The following ZNF420 variants were observed in gnomAD, a reference collection of about 807,000 sequenced individuals.
The protein encoded by ZNF420 is ATM and p53-associated KZNF protein.
ZNF420 carries 31 observed loss-of-function variants against 44.7 expected under a neutral mutation model. That is an observed-to-expected ratio of 0.69 (90% CI 0.52 to 0.94). The LOEUF is 0.94. Among genes scored for constraint, ZNF420 ranks in the 40% least tolerant of loss-of-function variants. The pLI, the probability that ZNF420 is intolerant of heterozygous loss-of-function variation, is 0.00. For missense variants in ZNF420, 681 were observed against 827.9 expected (o/e 0.82, Z 2.18); for synonymous variants, 245 against 267.4 (o/e 0.92, Z 0.82).
At chr19:37,031,921 C>T (rs1967265549) in intron 1 of ZNF420, among the ~76,000 whole-genome samples, 1 of 152,170 alleles carries the variant, frequency 6.6e-6, no homozygotes, top group Admixed American at 6.5e-5. Flanking sequence ...AAACGGTACA[C>T]CAGCCAGGCG....
chr19:37,012,233 T>C (rs2074574858), intron 1 of ZNF420, among the ~76,000 whole-genome samples: 1 of 152,162 alleles, frequency 6.6e-6, no homozygotes, highest in African/African-American at 2.4e-5. Context: ...TCCTCGACCT[T>C]GGATCCAGGT....
intron 4 of ZNF420, among the ~76,000 whole-genome samples, chr19:37,105,438 C>T (rs1174977394): frequency 2.0e-5 from 3 of 152,140 alleles, no homozygotes; most frequent in Non-Finnish European, 4.4e-5. Flanking sequence ...AGCATGATGC[C>T]TCCAGCTTTG....
chr19:37,068,920 G>T (rs1157103870), intron 1 of ZNF420, among the ~76,000 whole-genome samples: 1 of 151,968 alleles, frequency 6.6e-6, no homozygotes, highest in African/African-American at 2.4e-5. Flanking sequence ...TATAAAAATT[G>T]CAAGCTTAAG....
intron 1 of ZNF420, among the ~76,000 whole-genome samples, chr19:37,019,769 C>CA (rs55854312): frequency 0.49 from 69,860 of 141,426 alleles, 16,793 homozygotes; most frequent in Middle Eastern, 0.57. Context: ...TCATCTGTCA[C>CA]AAAAAAAAAA....
intron 1 of ZNF420, among the ~76,000 whole-genome samples, chr19:37,054,012 T>G (rs1162174166): frequency 6.6e-6 from 1 of 152,216 alleles, no homozygotes; most frequent in Non-Finnish European, 1.5e-5. Context: ...TCCACCCAGT[T>G]GGAGCTTCCC....
chr19:37,049,884 ATTT>A (rs1967608198), intron 1 of ZNF420, among the ~76,000 whole-genome samples: 1 of 152,166 alleles, frequency 6.6e-6, no homozygotes, highest in South Asian at 2.1e-4. Context: ...TCTTGAATTA[ATTT>A]TTGTATAAGG....
chr19:37,032,011 G>C (rs1013081288), intron 1 of ZNF420, among the ~76,000 whole-genome samples: 1 of 151,820 alleles, frequency 6.6e-6, no homozygotes, highest in African/African-American at 2.4e-5. Flanking sequence ...AGGAGTTCCA[G>C]ACCAGCCGGG....
At chr19:37,053,765 C>A (rs1232293859) in intron 1 of ZNF420, among the ~76,000 whole-genome samples, 1 of 151,906 alleles carries the variant, frequency 6.6e-6, no homozygotes, top group East Asian at 2.0e-4. Context: ...TGTCAGTCTG[C>A]CCCTACTGGG....
chr19:37,056,757 C>G (rs10408199), intron 1 of ZNF420, among the ~76,000 whole-genome samples: 24,689 of 152,260 alleles, frequency 0.16, 2,140 homozygotes, highest in African/African-American at 0.23. Flanking sequence ...AAGACCCGAG[C>G]AGGCGCCCTG....
intron 1 of ZNF420, among the ~76,000 whole-genome samples, chr19:37,048,364 AAAGCTTCTCT>A (rs1402559973): frequency 2.6e-5 from 4 of 152,242 alleles, no homozygotes; most frequent in African/African-American, 9.6e-5. Context: ...AATTGATTCT[AAAGCTTCTCT>A]AAGATAGGAA....
intron 1 of ZNF420, among the ~76,000 whole-genome samples, chr19:37,061,505 CA>C (rs1311334055): frequency 7.9e-5 from 12 of 152,102 alleles, no homozygotes; most frequent in African/African-American, 2.9e-4. Flanking sequence ...AACAGGATAT[CA>C]AGCAGGTTTT....
chr19:37,123,760 G>A (rs1298125182), intron 4 of ZNF420, among the ~76,000 whole-genome samples: 2 of 149,350 alleles, frequency 1.3e-5, no homozygotes, highest in Non-Finnish European at 2.9e-5. Flanking sequence ...GTGCCACCAT[G>A]CCCAGCTAAT....
At chr19:37,017,391 A>G (rs1186891589) in intron 1 of ZNF420, among the ~76,000 whole-genome samples, 1 of 152,202 alleles carries the variant, frequency 6.6e-6, no homozygotes, top group African/African-American at 2.4e-5. Context: ...TGAGAGTGGC[A>G]TGAGTATAGA....
chr19:37,049,147 T>A (rs1032732440), intron 1 of ZNF420, among the ~76,000 whole-genome samples: 7 of 152,192 alleles, frequency 4.6e-5, no homozygotes, highest in Non-Finnish European at 1.0e-4. Flanking sequence ...TCCAAATCTT[T>A]GCTATTGTGA....
chr19:37,045,100 G>A (rs1967520311), intron 1 of ZNF420, among the ~76,000 whole-genome samples: 1 of 152,068 alleles, frequency 6.6e-6, no homozygotes, highest in African/African-American at 2.4e-5. Context: ...TCATGATACT[G>A]CTTGCTAAGT....
chr19:37,028,686 A>G (rs988160080), intron 1 of ZNF420, among the ~76,000 whole-genome samples: 1 of 152,144 alleles, frequency 6.6e-6, no homozygotes, highest in Non-Finnish European at 1.5e-5. Flanking sequence ...TAATCTGACT[A>G]TATATATCAT....
At chr19:37,040,789 A>C (rs1439192131) in intron 1 of ZNF420, among the ~76,000 whole-genome samples, 1 of 152,144 alleles carries the variant, frequency 6.6e-6, no homozygotes, top group Non-Finnish European at 1.5e-5. Context: ...GGGTGTACTT[A>C]AGTGATTAAA....
chr19:37,125,200 T>C (rs530180310), intron 4 of ZNF420, among the ~76,000 whole-genome samples: 5 of 152,178 alleles, frequency 3.3e-5, no homozygotes, highest in African/African-American at 7.2e-5. Context: ...CATTACGTTA[T>C]AGACCTGTAG....
At chr19:37,096,299 T>C (rs541922471) in intron 4 of ZNF420, among the ~76,000 whole-genome samples, 162 of 152,320 alleles carry the variant, frequency 1.1e-3, no homozygotes, top group African/African-American at 3.8e-3. Flanking sequence ...CCAGCACTTA[T>C]GTGTCATACA....
Sources: gnomAD v4.1 joint callset for allele counts (sites outside exome capture counted in the v4.1 genomes callset) on GRCh38, gnomAD v4.1.1 for gene constraint, MANE v1.5 for transcripts, NCBI Gene and HGNC (gene_info 2026-07-23, HGNC 2026-07-21) for gene names.